The following UBE2U variants were observed in gnomAD, a reference collection of about 807,000 sequenced individuals.
UBE2U encodes ubiquitin-conjugating enzyme E2 U.
A neutral mutation model predicts 41.2 loss-of-function variants in UBE2U; 39 were observed. The observed-to-expected ratio is 0.95, with a 90% CI of 0.73 to 1.24. UBE2U has a LOEUF of 1.24. Among genes scored for constraint, UBE2U ranks in the 50% most tolerant of loss-of-function variants. The pLI, the probability that UBE2U is intolerant of heterozygous loss-of-function variation, is 0.00. For synonymous variants in UBE2U, 107 were observed against 117.8 expected (o/e 0.91, Z 0.60); for missense variants, 336 against 363.1 (o/e 0.93, Z 0.61).
At chr1:64,217,693 A>G (rs1283774671) in intron 5 of UBE2U, among the ~76,000 whole-genome samples, 4 of 152,164 alleles carry the variant, frequency 2.6e-5, no homozygotes, top group Non-Finnish European at 5.9e-5. Context: ...GTATATTCCT[A>G]TAGTTTTTGA....
chr1:64,211,400 G>A (rs1185069532), intron 4 of UBE2U, among the ~76,000 whole-genome samples: 2 of 152,048 alleles, frequency 1.3e-5, no homozygotes, highest in Admixed American at 6.6e-5. Context: ...TGGACCCATG[G>A]TCCTTAGAAG....
chr1:64,239,130 A>AAGGAGAAGGAGAAGGAGAAGG (rs1557730284), intron 7 of UBE2U, among the ~76,000 whole-genome samples: 2 of 23,178 alleles, frequency 8.6e-5, no homozygotes, highest in African/African-American at 4.1e-4. Flanking sequence ...GAAGAAGAAG[A>AAGGAGAAGGAGAAGGAGAAGG]AGAAGAAGAA....
intron 2 of UBE2U, 88 bp from the exon 3 acceptor site, chr1:64,206,676 A>G (rs1569938805): frequency 1.3e-6 from 1 of 785,674 alleles, no homozygotes; most frequent in Non-Finnish European, 2.0e-6. Context: ...GAAAGACTAA[A>G]CCATAGGGAG....
intron 8 of UBE2U, among the ~76,000 whole-genome samples, chr1:64,259,974 A>G (rs900018721): frequency 6.6e-6 from 1 of 151,718 alleles, no homozygotes; most frequent in African/African-American, 2.4e-5. Context: ...AGATGAGGCT[A>G]TACTAGATTT....
intron 8 of UBE2U, among the ~76,000 whole-genome samples, chr1:64,246,087 G>GT (rs1004786574): frequency 6.6e-6 from 1 of 151,956 alleles, no homozygotes; most frequent in Non-Finnish European, 1.5e-5. Context: ...AAAAAGTTGT[G>GT]TTTTTTCTCA....
chr1:64,267,276 G>A lies in UBE2U; in HGVS notation c.*68G>A. The A allele has an allele frequency of 7.7e-7, 1 of 1,299,688 alleles. No individual in the cohort carries two copies. Among genetic ancestry groups the A allele is most frequent in the South Asian group, 1.9e-5 (1 of 51,972 alleles). 80.5% of individuals were successfully genotyped at this position (1,299,688 alleles called of 1,614,324 possible). Reference sequence around the variant, plus strand: ...AGCCCAGCGTTGTGGAGCAATTTTGGAAGACTCTCAGAACTTGGATTTCAT... The same window carrying A: ...AGCCCAGCGTTGTGGAGCAATTTTGAAAGACTCTCAGAACTTGGATTTCAT... On this transcript the variant is annotated 3_prime_UTR_variant, in exon 10 of 10. Transcript: ENST00000371077.
intron 9 of UBE2U, among the ~76,000 whole-genome samples, chr1:64,261,759 C>T (rs982096293): frequency 2.6e-5 from 4 of 152,186 alleles, no homozygotes; most frequent in African/African-American, 9.6e-5. Context: ...CCTCTGCAAT[C>T]TCTGTCTTTC....
At chr1:64,236,733 C>T (rs1269095578) in intron 7 of UBE2U, among the ~76,000 whole-genome samples, 1 of 152,166 alleles carries the variant, frequency 6.6e-6, no homozygotes, top group Non-Finnish European at 1.5e-5. Context: ...TTGCTTCACC[C>T]TAGGAGACTT....
chr1:64,257,133 A>G (rs982539427), intron 8 of UBE2U, among the ~76,000 whole-genome samples: 4 of 152,200 alleles, frequency 2.6e-5, no homozygotes, highest in East Asian at 3.8e-4. Flanking sequence ...AAGTTTGCAG[A>G]AAAAAAGGAA....
chr1:64,265,213 C>T (rs1001738227), intron 9 of UBE2U, among the ~76,000 whole-genome samples: 6 of 152,224 alleles, frequency 3.9e-5, no homozygotes, highest in Middle Eastern at 6.8e-3. Context: ...CTGTGTCCTT[C>T]GTGACATTGT....
intron 4 of UBE2U, among the ~76,000 whole-genome samples, chr1:64,212,368 A>G (rs951215832): frequency 7.2e-5 from 11 of 152,212 alleles, no homozygotes; most frequent in Admixed American, 3.3e-4. Flanking sequence ...AATTTGATAA[A>G]AGGAAAATGT....
intron 5 of UBE2U, among the ~76,000 whole-genome samples, chr1:64,217,299 G>T (rs778908295): frequency 1.1e-4 from 16 of 152,056 alleles, no homozygotes; most frequent in Non-Finnish European, 2.1e-4. Context: ...TGGATAAGGG[G>T]GCCTTTTCAA....
chr1:64,258,152 A>T (rs1194125513), intron 8 of UBE2U, among the ~76,000 whole-genome samples: 5 of 152,112 alleles, frequency 3.3e-5, no homozygotes, highest in South Asian at 2.1e-4. Context: ...TTTTATATTT[A>T]TTCATTTTTG....
chr1:64,249,920 A>C (rs2100500576), intron 8 of UBE2U, among the ~76,000 whole-genome samples: 1 of 152,230 alleles, frequency 6.6e-6, no homozygotes, highest in East Asian at 1.9e-4. Context: ...AGTTCAATGA[A>C]TCCCAAGAAA....
intron 4 of UBE2U, among the ~76,000 whole-genome samples, chr1:64,212,233 A>G (rs1651707214): frequency 2.0e-5 from 3 of 152,212 alleles, no homozygotes; most frequent in African/African-American, 7.2e-5. Flanking sequence ...ATTCCTTTAA[A>G]CTGAGACATA....
At position 64,239,113 on chromosome 1, in the gene UBE2U, A is replaced by G. The variant is rs1006467531; in HGVS notation, c.596-2539A>G. ...AAGAGGAAGAAGAAGAAGAAGAAGA[A>G]GAAGAAGAAGAAGAAGAAGAAGAAG... On this transcript the variant is annotated intron_variant, in intron 7 of 9. Coordinates refer to ENST00000371077, the MANE Select transcript of UBE2U (RefSeq NM_001366232.2). 3.9e-3 allele frequency among the ~76,000 whole-genome samples: 54 copies of G among 13,854 alleles called. No individual in the cohort carries two copies. In the East Asian group the frequency reaches 0.088, roughly 23 times the overall value. 9.1% of individuals were successfully genotyped at this position (13,854 alleles called of 152,430 possible). A position where few individuals can be genotyped will look rare whatever the true frequency, so the allele number is the denominator to read the frequency against.
intron 6 of UBE2U, among the ~76,000 whole-genome samples, chr1:64,222,091 C>A (rs370845438): frequency 9.2e-3 from 902 of 97,726 alleles, no homozygotes; most frequent in Middle Eastern, 0.017. Flanking sequence ...GACTCCATCT[C>A]AAAAAAAAAA....
rs1344967172 is a variant in UBE2U at position 64,214,896 on chromosome 1, A to G, written c.421A>G (p.Arg141Gly). 2 of 1,614,198 alleles carry G rather than the reference A, an allele frequency of 1.2e-6. No individual in the cohort carries two copies. Among genetic ancestry groups the G allele is most frequent in the Middle Eastern group, 1.7e-4 (1 of 6,060 alleles). ...RILVKDESLY[R>G]TILRLFNRPL... ...ACTGGTTAAAGATGAATCTCTGTAC[A>G]GAACAATTCTAAGACTTTTCAACAG... Residue 141 changes from arginine to glycine, a missense_variant, in exon 5 of 10, where the codon AGA becomes GGA. Arg to Gly is a moderately radical substitution (Grantham distance 125, BLOSUM62 -2). Transcript: ENST00000371077.
chr1:64,227,370 A>G (rs1374800290), intron 6 of UBE2U, among the ~76,000 whole-genome samples: 1 of 152,246 alleles, frequency 6.6e-6, no homozygotes, highest in Non-Finnish European at 1.5e-5. Flanking sequence ...GCATAGTGAA[A>G]TCCAAATGAA....
Sources: gnomAD v4.1 joint callset for allele counts (sites outside exome capture counted in the v4.1 genomes callset) on GRCh38, gnomAD v4.1.1 for gene constraint, MANE v1.5 for transcripts, NCBI Gene and HGNC (gene_info 2026-07-23, HGNC 2026-07-21) for gene names.